The following ABCC1 variants were observed in gnomAD, a reference collection of about 807,000 sequenced individuals.
ABCC1 encodes the protein multidrug resistance-associated protein 1.
A neutral mutation model predicts 172.9 loss-of-function variants in ABCC1; 83 were observed. The ratio of observed to expected loss-of-function variants is 0.48; its 90% CI spans 0.40 to 0.58. ABCC1 has a LOEUF of 0.58. Among genes scored for constraint, ABCC1 ranks in the 20% least tolerant of loss-of-function variants. The pLI is 0.00. For missense variants in ABCC1, 1,817 were observed against 2,002.7 expected, an observed-to-expected ratio of 0.91 and a Z score of 1.77; for synonymous variants, 937 against 825.2, an observed-to-expected ratio of 1.14 and a Z score of -2.32.
At chr16:16,106,990 CTG>C in intron 21 of ABCC1, 117 bp downstream of exon 21, 1 of 1,377,138 alleles carries the variant, frequency 7.3e-7, no homozygotes, top group East Asian at 2.5e-5. Flanking sequence ...CACAACACAC[CTG>C]TGAAGATACT....
intron 17 of ABCC1, among the ~76,000 whole-genome samples, chr16:16,085,354 T>G (rs2050966902): frequency 6.6e-6 from 1 of 152,230 alleles, no homozygotes; most frequent in African/African-American, 2.4e-5. Context: ...GTGTGTCCCC[T>G]CTTGGAAGAC....
chr16:16,107,355 T>A (rs1405673676), intron 21 of ABCC1, among the ~76,000 whole-genome samples: 1 of 152,176 alleles, frequency 6.6e-6, no homozygotes, highest in Non-Finnish European at 1.5e-5. Context: ...AGTGGTGCGA[T>A]CTCGGCTCAC....
At chr16:15,950,359 A>C (rs547300498) in intron 1 of ABCC1, among the ~76,000 whole-genome samples, 172 of 151,750 alleles carry the variant, frequency 1.1e-3, no homozygotes, top group Middle Eastern at 3.4e-3. Context: ...CTTTCTACTT[A>C]GATACTGCGG....
chr16:16,083,014 A>G (rs1416378549), intron 16 of ABCC1, among the ~76,000 whole-genome samples: 3 of 152,198 alleles, frequency 2.0e-5, no homozygotes, highest in African/African-American at 4.8e-5. Flanking sequence ...GTAATCAAGT[A>G]GTTTTCCGTC....
intron 13 of ABCC1, among the ~76,000 whole-genome samples, chr16:16,069,154 A>AAT (rs1555492694): frequency 2.8e-5 from 4 of 142,546 alleles, no homozygotes; most frequent in Non-Finnish European, 6.0e-5. Context: ...AAAAAAAATA[A>AAT]AATAAAATAA....
intron 1 of ABCC1, among the ~76,000 whole-genome samples, chr16:15,979,838 C>T (rs2046580128): frequency 6.6e-6 from 1 of 152,084 alleles, no homozygotes; most frequent in East Asian, 1.9e-4. Flanking sequence ...TGGTGTGTGC[C>T]TGGCCTTGTG....
chr16:16,057,381 AT>A (rs1244343041), intron 12 of ABCC1, among the ~76,000 whole-genome samples: 1 of 151,266 alleles, frequency 6.6e-6, no homozygotes, highest in Non-Finnish European at 1.5e-5. Flanking sequence ...AAAAAAAAAA[AT>A]AAGTAAAATA....
intron 5 of ABCC1, among the ~76,000 whole-genome samples, chr16:16,020,416 A>G (rs2048155311): frequency 6.6e-6 from 1 of 152,142 alleles, no homozygotes; most frequent in African/African-American, 2.4e-5. Flanking sequence ...CTTTTTGCAG[A>G]TTAGAGTTTA....
intron 26 of ABCC1, among the ~76,000 whole-genome samples, chr16:16,129,612 A>G (rs1033185406): frequency 1.3e-5 from 2 of 149,152 alleles, no homozygotes; most frequent in Admixed American, 1.4e-4. Context: ...ATCTTGGCTC[A>G]CTGCAACCTC....
At chr16:16,076,594 A>C (rs1402364257) in intron 15 of ABCC1, among the ~76,000 whole-genome samples, 193 bp downstream of exon 15, 1 of 152,208 alleles carries the variant, frequency 6.6e-6, no homozygotes, top group Non-Finnish European at 1.5e-5. Flanking sequence ...AAGCAGACAC[A>C]CATGCCTAGC....
In ABCC1 at chr16:16,052,822, G is replaced by T. The variant is rs780115900; in HGVS notation, c.1473+6G>T. 6.2e-7 allele frequency: 1 copy of T among 1,614,106 alleles called. No individual in the cohort carries two copies. The highest frequency in any genetic ancestry group is 8.5e-7 in the Non-Finnish European group (1 of 1,179,978). ...TGAAGACCAAGACGTATCAGGTAAG[G>T]CATGTGTCTCTGCGGGCCCCCAAGC... On this transcript the variant is annotated splice_donor_region_variant and intron_variant, in intron 11 of 30. Transcript: ENST00000399410.
At chr16:16,056,377 C>T (rs771228115) in intron 12 of ABCC1, 82 bp downstream of exon 12, 3 of 1,485,746 alleles carry the variant, frequency 2.0e-6, no homozygotes, top group South Asian at 2.4e-5. Flanking sequence ...TAAAAGGTCA[C>T]TATGTTGCCC....
At chr16:16,097,331 T>A (rs950603734) in intron 19 of ABCC1, among the ~76,000 whole-genome samples, 30 of 152,210 alleles carry the variant, frequency 2.0e-4, no homozygotes, top group African/African-American at 7.0e-4. Context: ...CAGGCTGGTC[T>A]TGAACTCCGG....
Position 16,121,076 on chromosome 16 carries a change from C to T in ABCC1, c.3391-899C>T, listed in dbSNP as rs373858320. ...TACCAGGCACTGTGCTTAGTGACATCATGCATATCTATATGATTTATGAAA... is the reference window on the plus strand; with the variant it reads ...TACCAGGCACTGTGCTTAGTGACATTATGCATATCTATATGATTTATGAAA... On this transcript the variant is annotated intron_variant, in intron 23 of 30. Coordinates refer to ENST00000399410, the MANE Select transcript of ABCC1 (RefSeq NM_004996.4). 7.2e-5 allele frequency among the ~76,000 whole-genome samples: 11 copies of T among 152,290 alleles called. No individual in the cohort carries two copies. In the East Asian group the frequency reaches 2.1e-3, roughly 29 times the overall value.
chr16:16,132,054 A>T (rs748555445), intron 27 of ABCC1, 119 bp downstream of exon 27: 1 of 1,323,130 alleles, frequency 7.6e-7, no homozygotes, highest in Non-Finnish European at 1.0e-6. Context: ...CTTTGCTTGA[A>T]TGGCTTTTTG....
rs1567429391 is a variant in ABCC1, at chr16:16,121,963, T to G, written c.3391-12T>G. On this transcript the variant is annotated splice_polypyrimidine_tract_variant and intron_variant, in intron 23 of 30. Coordinates refer to ENST00000399410, the MANE Select transcript of ABCC1 (RefSeq NM_004996.4). ...ACCTTCATCAACTCCCCGCGTCTGT[T>G]CTCTACCCCAGAGGTTCTACGTGGC... 6.2e-7 allele frequency: 1 copy of G among 1,614,106 alleles called. No homozygotes were observed. Among genetic ancestry groups the G allele is most frequent in the Non-Finnish European group, 8.5e-7 (1 of 1,179,996 alleles).
intron 1 of ABCC1, among the ~76,000 whole-genome samples, chr16:16,001,353 C>T (rs1183524530): frequency 6.6e-6 from 1 of 152,104 alleles, no homozygotes; most frequent in Non-Finnish European, 1.5e-5. Context: ...GCTGGGACTA[C>T]AGGCGCCCGC....
At chr16:15,997,459 A>C (rs2047096616) in intron 1 of ABCC1, among the ~76,000 whole-genome samples, 1 of 152,206 alleles carries the variant, frequency 6.6e-6, no homozygotes, top group African/African-American at 2.4e-5. Context: ...GGGCCAGTGC[A>C]GTGACCGGTG....
Position 16,045,868 on chromosome 16 carries a change from C to A in ABCC1, c.1073C>A (p.Ala358Asp). 1 of 1,614,182 alleles carries A rather than the reference C, an allele frequency of 6.2e-7. No homozygotes were observed. The highest frequency in any genetic ancestry group is 8.5e-7 in the Non-Finnish European group (1 of 1,180,018). The part of the protein sequence containing the change: ...LLIKFVNDTK[A>D]PDWQGYFYTV... ...ATCAAGTTCGTGAATGACACGAAGG[C>A]CCCAGACTGGCAGGGCTACTTCTAC... The change falls in exon 9 of 31, where the codon GCC becomes GAC. Residue 358 changes from alanine (A) to aspartate (D), a missense_variant. By Grantham distance (126) the Ala-to-Asp change is moderately radical. Coordinates refer to ENST00000399410, the MANE Select transcript of ABCC1 (RefSeq NM_004996.4).
Sources: allele counts gnomAD v4.1 joint callset (sites outside exome capture counted in the v4.1 genomes callset), GRCh38; gene constraint gnomAD v4.1.1; transcripts MANE v1.5; gene names NCBI Gene and HGNC (gene_info 2026-07-23, HGNC 2026-07-21).